The following FAM13A variants were observed in gnomAD, a reference collection of about 807,000 sequenced individuals.
FAM13A encodes the protein protein FAM13A.
A neutral mutation model predicts 129.6 loss-of-function variants in FAM13A; 76 were observed. The observed-to-expected ratio is 0.59, with a 90% CI of 0.49 to 0.71. FAM13A has a LOEUF of 0.71. FAM13A is among the 30% of genes least tolerant of loss of function. FAM13A has a pLI of 0.00. For synonymous variants in FAM13A, 443 were observed against 449.9 expected (o/e 0.98, Z 0.20); for missense variants, 1,108 against 1,249.3 (o/e 0.89, Z 1.70).
intron 11 of FAM13A, among the ~76,000 whole-genome samples, chr4:88,771,858 G>A (rs563550916): frequency 6.6e-6 from 1 of 152,152 alleles, no homozygotes; most frequent in South Asian, 2.1e-4. Flanking sequence ...GGGTGTCAGA[G>A]GAACTAAATT....
At chr4:89,014,548 G>A (rs1766204380) in intron 3 of FAM13A, among the ~76,000 whole-genome samples, 1 of 152,182 alleles carries the variant, frequency 6.6e-6, no homozygotes, top group Non-Finnish European at 1.5e-5. Context: ...ACCAGCTGAA[G>A]CCATGGCAGA....
intron 4 of FAM13A, among the ~76,000 whole-genome samples, chr4:88,951,849 G>T (rs1384017781): frequency 6.6e-6 from 1 of 152,004 alleles, no homozygotes; most frequent in East Asian, 1.9e-4. Flanking sequence ...CCATTGCCTT[G>T]TATCTTAAGG....
intron 4 of FAM13A, among the ~76,000 whole-genome samples, chr4:88,974,449 C>T (rs138354911): frequency 9.2e-5 from 14 of 152,018 alleles, no homozygotes; most frequent in African/African-American, 3.4e-4. Flanking sequence ...AATGCTAGAC[C>T]AGGAACCAAA....
chr4:88,990,455 G>A (rs546319237), intron 4 of FAM13A: 12 of 152,318 alleles, frequency 7.9e-5, no homozygotes, highest in African/African-American at 2.4e-4. Flanking sequence ...GGAATAAGAA[G>A]GAGAATAAAA....
intron 8 of FAM13A, among the ~76,000 whole-genome samples, chr4:88,791,799 C>A (rs765967295): frequency 5.9e-5 from 9 of 152,008 alleles, no homozygotes; most frequent in South Asian, 4.1e-4. Context: ...AAGTGTATAT[C>A]TCATCTCTTT....
intron 11 of FAM13A, chr4:88,768,457 C>A (rs980231682): frequency 8.6e-5 from 14 of 162,934 alleles, no homozygotes; most frequent in East Asian, 3.4e-4. Context: ...TTTACTCTCT[C>A]TCTATCTATC....
chr4:88,799,765 G>T (rs188413542), intron 8 of FAM13A, among the ~76,000 whole-genome samples: 115 of 152,324 alleles, frequency 7.5e-4, no homozygotes, highest in African/African-American at 2.7e-3. Context: ...TTACAGGCGT[G>T]AGCCACTGTG....
chr4:89,014,876 G>A (rs1213679975), intron 3 of FAM13A, among the ~76,000 whole-genome samples: 1 of 152,182 alleles, frequency 6.6e-6, no homozygotes, highest in African/African-American at 2.4e-5. Flanking sequence ...CAATGTTCAG[G>A]GAACAAGGGA....
rs1373984698 is a variant in FAM13A at position 88,726,118 on chromosome 4, A to G, written c.*2415T>C. The stretch of plus-strand genomic sequence containing the variant: ...CATTTTGTCTTTGTGAAGCCAATTA[A>G]TTAAGACACCGCCTCTAGTGCCTTG... On this transcript the variant is annotated 3_prime_UTR_variant, in exon 24 of 24. Coordinates refer to ENST00000264344, the MANE Select transcript of FAM13A (RefSeq NM_014883.4). 1 of 152,216 alleles carries G rather than the reference A, an allele frequency of 6.6e-6. No homozygotes were observed. The highest frequency in any genetic ancestry group is 1.5e-5 in the Non-Finnish European group (1 of 68,040). The allele number at this position is 152,216 out of a possible 1,614,324, so 9.4% of individuals were successfully genotyped here. A position where few individuals can be genotyped will look rare whatever the true frequency, so the allele number is the denominator to read the frequency against.
At chr4:88,728,779 G>T in intron 23 of FAM13A, 120 bp from the exon 24 acceptor site, 1 of 1,162,960 alleles carries the variant, frequency 8.6e-7, no homozygotes, top group Non-Finnish European at 1.2e-6. Context: ...TAGAATCAGT[G>T]TTGCCGAGTG....
chr4:88,924,912 T>G (rs1295281749), intron 5 of FAM13A, among the ~76,000 whole-genome samples: 1 of 151,572 alleles, frequency 6.6e-6, no homozygotes, highest in Non-Finnish European at 1.5e-5. Context: ...ACAGACACTT[T>G]TCAAAAGAAG....
intron 6 of FAM13A, among the ~76,000 whole-genome samples, chr4:88,878,869 T>C (rs1226083280): frequency 6.6e-6 from 1 of 152,248 alleles, no homozygotes; most frequent in Non-Finnish European, 1.5e-5. Flanking sequence ...CCTGATAGTA[T>C]GAAACTCAAC....
At chr4:88,822,269 C>T (rs1311973899) in intron 7 of FAM13A, among the ~76,000 whole-genome samples, 6 of 152,226 alleles carry the variant, frequency 3.9e-5, no homozygotes, top group Admixed American at 1.3e-4. Flanking sequence ...TTCTTCACTT[C>T]TTAGTTCACA....
At chr4:89,013,109 A>T (rs1765945576) in intron 3 of FAM13A, among the ~76,000 whole-genome samples, 1 of 152,052 alleles carries the variant, frequency 6.6e-6, no homozygotes, top group South Asian at 2.1e-4. Context: ...CTATGTGTAA[A>T]GAGTTTTACC....
intron 5 of FAM13A, among the ~76,000 whole-genome samples, chr4:88,910,985 T>C (rs375538295): frequency 6.6e-6 from 1 of 152,198 alleles, no homozygotes; most frequent in South Asian, 2.1e-4. Flanking sequence ...CCCTACTCTG[T>C]GAGAGGACTT....
intron 4 of FAM13A, among the ~76,000 whole-genome samples, chr4:88,970,167 A>G (rs548893743): frequency 6.6e-6 from 1 of 152,346 alleles, no homozygotes; most frequent in South Asian, 2.1e-4. Context: ...GAAAAAGTAT[A>G]TTTCATCTTC....
chr4:88,935,701 T>A (rs902563767), intron 5 of FAM13A, among the ~76,000 whole-genome samples: 1 of 152,200 alleles, frequency 6.6e-6, no homozygotes, highest in Non-Finnish European at 1.5e-5. Context: ...TCTTTACAAT[T>A]TTCAAAAAAG....
chr4:88,999,267 T>C (rs1763942572), intron 3 of FAM13A, among the ~76,000 whole-genome samples: 1 of 152,162 alleles, frequency 6.6e-6, no homozygotes, highest in Non-Finnish European at 1.5e-5. Flanking sequence ...ACTGAATGCT[T>C]GTCAGTCGGG....
chr4:88,985,848 TAA>T (rs56061264), intron 4 of FAM13A, among the ~76,000 whole-genome samples: 1 of 144,890 alleles, frequency 6.9e-6, no homozygotes, highest in African/African-American at 2.5e-5. Flanking sequence ...CAAAAAAGAA[TAA>T]AAAAAAAAAA....
Sources: allele counts gnomAD v4.1 joint callset (sites outside exome capture counted in the v4.1 genomes callset), GRCh38; gene constraint gnomAD v4.1.1; transcripts MANE v1.5; gene names NCBI Gene and HGNC (gene_info 2026-07-23, HGNC 2026-07-21).